Variants in GTF2IRD1 observed in about 807,000 individuals in gnomAD.
GTF2IRD1 encodes the protein general transcription factor II-I repeat domain-containing protein 1.
GTF2IRD1 carries 26 observed loss-of-function variants against 113.2 expected under a neutral mutation model. The observed-to-expected ratio is 0.23, with a 90% CI of 0.17 to 0.32. The LOEUF (loss-of-function observed/expected upper bound fraction) is 0.32, where lower values mean the gene tolerates loss of function less well. Ranked by LOEUF, GTF2IRD1 falls within the 10% of genes least tolerant of loss-of-function variation. The pLI is 1.00. For synonymous variants in GTF2IRD1, 484 were observed against 529.1 expected, an observed-to-expected ratio of 0.91 and a Z score of 1.17; for missense variants, 864 against 1,280.8, an observed-to-expected ratio of 0.67 and a Z score of 4.97.
At chr7:74,567,342 A>G (rs1239551834) in intron 22 of GTF2IRD1, among the ~76,000 whole-genome samples, 3 of 151,962 alleles carry the variant, frequency 2.0e-5, no homozygotes, top group Admixed American at 1.3e-4. Flanking sequence ...TAAAAAAGAA[A>G]AAAAAAAGGA....
At chr7:74,460,505 C>G (rs1228024690) in intron 1 of GTF2IRD1, among the ~76,000 whole-genome samples, 1 of 152,064 alleles carries the variant, frequency 6.6e-6, no homozygotes, top group Non-Finnish European at 1.5e-5. Flanking sequence ...CCTCAGCTTC[C>G]CAAAGTGCTG....
At chr7:74,487,222 G>A (rs545616020) in intron 1 of GTF2IRD1, among the ~76,000 whole-genome samples, 1 of 152,242 alleles carries the variant, frequency 6.6e-6, no homozygotes, top group East Asian at 1.9e-4. Context: ...TATTTTAATA[G>A]AGATGAGGTT....
At chr7:74,481,007 C>T (rs1244030268) in intron 1 of GTF2IRD1, among the ~76,000 whole-genome samples, 3 of 152,336 alleles carry the variant, frequency 2.0e-5, no homozygotes, top group African/African-American at 7.2e-5. Flanking sequence ...GCAGGCGGCT[C>T]CCTCACTTCC....
chr7:74,528,989 A>ATG (rs1554348004), intron 8 of GTF2IRD1, among the ~76,000 whole-genome samples: 5 of 130,750 alleles, frequency 3.8e-5, no homozygotes, highest in African/African-American at 1.5e-4. Flanking sequence ...ATGGATGGAT[A>ATG]GACGGATGGA....
At chr7:74,563,239 A>C (rs1223075125) in intron 22 of GTF2IRD1, among the ~76,000 whole-genome samples, 1 of 152,132 alleles carries the variant, frequency 6.6e-6, no homozygotes, top group Non-Finnish European at 1.5e-5. Flanking sequence ...GGGAATTCCC[A>C]GGAGGGTGAG....
intron 3 of GTF2IRD1, 75 bp downstream of exon 3, chr7:74,513,046 C>T (rs1394546761): frequency 7.0e-7 from 1 of 1,437,978 alleles, no homozygotes. Flanking sequence ...TCTCTGGGTC[C>T]CCAACCCTGT....
chr7:74,572,912 C>T (rs1354655884), intron 22 of GTF2IRD1, among the ~76,000 whole-genome samples: 1 of 152,096 alleles, frequency 6.6e-6, no homozygotes, highest in African/African-American at 2.4e-5. Flanking sequence ...GCAGACGAGA[C>T]GCCCTACTGC....
chr7:74,572,761 T>C (rs1183468609), intron 22 of GTF2IRD1, among the ~76,000 whole-genome samples: 1 of 152,106 alleles, frequency 6.6e-6, no homozygotes, highest in Admixed American at 6.6e-5. Flanking sequence ...TCTAAAGATA[T>C]CACAATTCCA....
rs781870139 is a variant in GTF2IRD1 at position 74,512,992 on chromosome 7, G to C, written c.265+21G>C. The C allele has an allele frequency of 2.5e-6, 4 of 1,608,500 alleles. No homozygotes were observed. The highest frequency in any genetic ancestry group is 2.5e-6 in the Non-Finnish European group (3 of 1,177,338). ...CTGCCGTGAGTACCCCAGGGCTCCG[G>C]AGGGCCGGGCCCGCCATTTCCCGAG... On this transcript the variant is annotated intron_variant, in intron 3 of 26. Coordinates refer to ENST00000424337, the MANE Select transcript of GTF2IRD1 (RefSeq NM_005685.4). The surrounding 1 kb of genome is among the most constrained non-coding windows in gnomAD (Gnocchi z 4.4).
intron 22 of GTF2IRD1, among the ~76,000 whole-genome samples, chr7:74,580,124 A>G (rs2130931517): frequency 6.6e-6 from 1 of 152,222 alleles, no homozygotes; most frequent in African/African-American, 2.4e-5. Context: ...CAGGCCCTAC[A>G]AGGGGTTAAA....
chr7:74,600,111 C>T (rs1554373491), intron 25 of GTF2IRD1, among the ~76,000 whole-genome samples: 1 of 152,182 alleles, frequency 6.6e-6, no homozygotes, highest in Non-Finnish European at 1.5e-5. Context: ...CCAGAAAATA[C>T]TCAGAAACTG....
chr7:74,476,482 AG>A (rs1794418715), intron 1 of GTF2IRD1, among the ~76,000 whole-genome samples: 1 of 150,034 alleles, frequency 6.7e-6, no homozygotes, highest in South Asian at 2.1e-4. Flanking sequence ...CTCCTGCCTC[AG>A]CCTCCCAAGT....
At chr7:74,520,806 G>T in intron 6 of GTF2IRD1, among the ~76,000 whole-genome samples, 1 of 142,976 alleles carries the variant, frequency 7.0e-6, no homozygotes, top group Non-Finnish European at 1.5e-5. Context: ...TGGGTCTAAT[G>T]CTTGGCCTGT....
chr7:74,587,894 G>A (rs1259013996), intron 22 of GTF2IRD1, among the ~76,000 whole-genome samples: 19 of 152,100 alleles, frequency 1.2e-4, no homozygotes, highest in Non-Finnish European at 2.2e-4. Flanking sequence ...AGTGAGCAGG[G>A]AGAATGCACG....
chr7:74,479,363 C>G (rs13239754), intron 1 of GTF2IRD1, among the ~76,000 whole-genome samples: 1,571 of 151,200 alleles, frequency 0.01, 18 homozygotes, highest in Non-Finnish European at 0.015. Flanking sequence ...CCCACCCACT[C>G]CCACAGCCTC....
intron 22 of GTF2IRD1, chr7:74,571,119 C>T: frequency 8.1e-6 from 8 of 985,310 alleles, no homozygotes; most frequent in Non-Finnish European, 8.4e-6. Flanking sequence ...TTCCCCAGAG[C>T]AGGGGCTCCA....
chr7:74,550,121 G>T (rs143516835), intron 17 of GTF2IRD1, among the ~76,000 whole-genome samples: 3 of 151,512 alleles, frequency 2.0e-5, no homozygotes, highest in Non-Finnish European at 4.4e-5. Context: ...ACTTGAACCC[G>T]AGAGGCAGAG....
chr7:74,547,349 C>A, intron 17 of GTF2IRD1, 63 bp downstream of exon 17: 1 of 1,344,574 alleles, frequency 7.4e-7, no homozygotes, highest in Non-Finnish European at 1.0e-6. Flanking sequence ...GGGGCAGGAG[C>A]AGCACCAAAT....
At chr7:74,551,430 G>A (rs1799300589) in intron 17 of GTF2IRD1, among the ~76,000 whole-genome samples, 1 of 152,182 alleles carries the variant, frequency 6.6e-6, no homozygotes, top group African/African-American at 2.4e-5. Context: ...GCCAGGTCCC[G>A]GGCTTGCAGC....
Sources: gnomAD v4.1 joint callset for allele counts (sites outside exome capture counted in the v4.1 genomes callset) on GRCh38, gnomAD v4.1.1 for gene constraint, Gnocchi (gnomAD v3.1) non-coding constraint, MANE v1.5 for transcripts, NCBI Gene and HGNC (gene_info 2026-07-23, HGNC 2026-07-21) for gene names.